Variants in PKNOX1 observed in about 807,000 individuals in gnomAD.
PKNOX1 encodes the protein homeobox protein PKNOX1.
A neutral mutation model predicts 51.9 loss-of-function variants in PKNOX1; 15 were observed. The ratio of observed to expected loss-of-function variants is 0.29; its 90% confidence interval spans 0.19 to 0.45. The LOEUF (loss-of-function observed/expected upper bound fraction) is 0.45, where lower values mean the gene tolerates loss of function less well. PKNOX1 is among the 20% of genes least tolerant of loss of function. PKNOX1 has a pLI of 1.00. For missense variants in PKNOX1, 462 were observed against 547.5 expected (o/e 0.84, Z 1.56); for synonymous variants, 219 against 211.1 (o/e 1.04, Z -0.32).
chr21:43,020,912 A>G (rs910240753), intron 7 of PKNOX1, among the ~76,000 whole-genome samples: 1 of 152,236 alleles, frequency 6.6e-6, no homozygotes, highest in Non-Finnish European at 1.5e-5. Flanking sequence ...ATCATGTGCC[A>G]GCCTGGGCAA....
At position 43,001,916 on chromosome 21, in the gene PKNOX1, G is replaced by A. The variant is rs897125605; in HGVS notation, c.-56-2410G>A. On this transcript the variant is annotated intron_variant, in intron 1 of 10. Coordinates refer to ENST00000291547, the MANE Select transcript of PKNOX1 (RefSeq NM_004571.5). Reference sequence around the variant, plus strand: ...TGGAGCTTGCAAGTGAGCTGAGATCGCGCCACTGCACTCCAGCCTGGGTGA... The same window carrying A: ...TGGAGCTTGCAAGTGAGCTGAGATCACGCCACTGCACTCCAGCCTGGGTGA... Among the ~76,000 whole-genome samples, 8 of 152,100 alleles carry A rather than the reference G, an allele frequency of 5.3e-5. No individual in the cohort carries two copies. The South Asian group carries it at 8.3e-4, about 16-fold the overall frequency.
intron 1 of PKNOX1, among the ~76,000 whole-genome samples, chr21:42,987,467 G>A (rs532563833): frequency 1.1e-3 from 156 of 143,484 alleles, no homozygotes; most frequent in Middle Eastern, 3.9e-3. Flanking sequence ...GTACTAGAAA[G>A]AGGAAAAGAA....
At chr21:43,001,228 G>A (rs959401302) in intron 1 of PKNOX1, among the ~76,000 whole-genome samples, 13 of 152,342 alleles carry the variant, frequency 8.5e-5, no homozygotes, top group Middle Eastern at 3.4e-3. Flanking sequence ...ATGGGTGGCC[G>A]TTATCCGTTA....
chr21:42,996,494 C>T (rs1038494419), intron 1 of PKNOX1, among the ~76,000 whole-genome samples: 1 of 152,104 alleles, frequency 6.6e-6, no homozygotes, highest in East Asian at 1.9e-4. Flanking sequence ...TGTGTAAGTC[C>T]ATCATCCTTT....
intron 1 of PKNOX1, among the ~76,000 whole-genome samples, chr21:42,986,090 G>T (rs1460586839): frequency 2.6e-5 from 4 of 152,052 alleles, no homozygotes; most frequent in Admixed American, 2.0e-4. Context: ...GTCTTTAGGG[G>T]ACATATGTGG....
In PKNOX1 at chr21:42,987,395, A is replaced by T. The variant is rs868679096; in HGVS notation, c.-57+12731A>T. On this transcript the variant is annotated intron_variant, in intron 1 of 10. Coordinates refer to ENST00000291547, the MANE Select transcript of PKNOX1 (RefSeq NM_004571.5). ...TAAACTCCCTCTCAAAAAAAAAAAAAAAAAAAAAAATATATATATATATAT... is the reference window on the plus strand; with the variant it reads ...TAAACTCCCTCTCAAAAAAAAAAAATAAAAAAAAAATATATATATATATAT... Among the ~76,000 whole-genome samples the T allele has an allele frequency of 3.7e-4, 45 of 122,742 alleles. 5 individuals are homozygous for T. The highest frequency in any genetic ancestry group is 1.4e-3 in the African/African-American group (44 of 30,586). The allele number at this position is 122,742 out of a possible 152,430, so 80.5% of individuals were successfully genotyped here. A position where few individuals can be genotyped will look rare whatever the true frequency, so the allele number is the denominator to read the frequency against.
At chr21:42,985,112 C>T (rs894668215) in intron 1 of PKNOX1, among the ~76,000 whole-genome samples, 2 of 150,824 alleles carry the variant, frequency 1.3e-5, no homozygotes, top group African/African-American at 2.4e-5. Flanking sequence ...CTCAGCCTCC[C>T]GAGTAGCTGG....
Position 43,021,618 on chromosome 21 carries a change from G to A in PKNOX1, c.849+187G>A, listed in dbSNP as rs764589472. ...CTGCAGGGAACTTGAAGGGCAATGA[G>A]GGCTGCCGTGAAGGAGCACCCGAGC... On this transcript the variant is annotated intron_variant, in intron 8 of 10. Coordinates refer to ENST00000291547, the MANE Select transcript of PKNOX1 (RefSeq NM_004571.5). The surrounding 1 kb of genome is among the most constrained non-coding windows in gnomAD (Gnocchi z 4.6). Among the ~76,000 whole-genome samples the A allele has an allele frequency of 9.9e-5, 15 of 152,248 alleles. No homozygotes were observed. Among genetic ancestry groups the A allele is most frequent in the African/African-American group, 3.4e-4 (14 of 41,472 alleles).
chr21:42,998,280 G>T (rs956285029), intron 1 of PKNOX1, among the ~76,000 whole-genome samples: 3 of 152,096 alleles, frequency 2.0e-5, no homozygotes, highest in African/African-American at 7.2e-5. Context: ...GCTATCATGA[G>T]AACAGCACAG....
At chr21:43,001,560 G>A (rs1215658825) in intron 1 of PKNOX1, among the ~76,000 whole-genome samples, 1 of 152,164 alleles carries the variant, frequency 6.6e-6, no homozygotes, top group African/African-American at 2.4e-5. Flanking sequence ...ATCCTGTGCT[G>A]TGTCCTCCTG....
intron 1 of PKNOX1, among the ~76,000 whole-genome samples, chr21:42,992,802 G>A (rs1206270958): frequency 7.3e-6 from 1 of 136,106 alleles, no homozygotes; most frequent in Non-Finnish European, 1.6e-5. Flanking sequence ...TTCTCTCACA[G>A]CACTGGGGGG....
At chr21:42,983,424 C>T (rs999889745) in intron 1 of PKNOX1, among the ~76,000 whole-genome samples, 3 of 152,146 alleles carry the variant, frequency 2.0e-5, no homozygotes, top group Admixed American at 1.3e-4. Flanking sequence ...AGCTCATTTA[C>T]CATAATGTCC....
In PKNOX1 at chr21:43,010,188, A is replaced by G. The variant is rs766371545; in HGVS notation, c.315A>G (p.Lys105=). The G allele has an allele frequency of 2.5e-6, 4 of 1,588,220 alleles. 1 individual carries two copies. In the South Asian group the frequency reaches 4.6e-5, roughly 18 times the overall value. ...NFVRKQEKEG[K]PFFCEDPETD... The stretch of plus-strand genomic sequence containing the variant: ...TAAGAAAGCAAGAGAAGGAAGGGAA[A>G]CCTTTCTTTTGTGAAGATCCAGAAA... Residue 105 remains lysine (K), a synonymous_variant, in exon 4 of 11, where the codon AAA becomes AAG. Coordinates refer to ENST00000291547, the MANE Select transcript of PKNOX1 (RefSeq NM_004571.5).
intron 7 of PKNOX1, among the ~76,000 whole-genome samples, chr21:43,019,914 C>T (rs2839621): frequency 0.65 from 93,531 of 143,380 alleles, 30,638 homozygotes; most frequent in African/African-American, 0.72. Flanking sequence ...TCTTTTTTTG[C>T]AGGTGCTCTG....
At chr21:43,001,542 A>G (rs933171624) in intron 1 of PKNOX1, among the ~76,000 whole-genome samples, 5 of 152,180 alleles carry the variant, frequency 3.3e-5, no homozygotes, top group African/African-American at 1.2e-4. Context: ...GTCCCATGGC[A>G]GTTCTTCATC....
At chr21:43,022,594 A>G (rs765690810) in intron 8 of PKNOX1, among the ~76,000 whole-genome samples, 3 of 152,140 alleles carry the variant, frequency 2.0e-5, no homozygotes, top group Non-Finnish European at 4.4e-5. Context: ...TTCCATGGGC[A>G]TAAAAGGTAG....
At chr21:42,989,880 C>G (rs1325947343) in intron 1 of PKNOX1, among the ~76,000 whole-genome samples, 1 of 152,136 alleles carries the variant, frequency 6.6e-6, no homozygotes, top group Admixed American at 6.6e-5. Context: ...GGGCAGATTG[C>G]TTGAGCTCAG....
intron 3 of PKNOX1, 100 bp from the exon 4 acceptor site, chr21:43,009,953 C>A: frequency 1.5e-6 from 1 of 645,804 alleles, no homozygotes; most frequent in East Asian, 2.9e-5. Flanking sequence ...TGCATTTTCA[C>A]CCAACAGAGG....
intron 5 of PKNOX1, among the ~76,000 whole-genome samples, chr21:43,016,074 C>G (rs1170866525): frequency 1.3e-5 from 2 of 152,212 alleles, no homozygotes; most frequent in African/African-American, 4.8e-5. Context: ...AGCGTAGCCA[C>G]TAAGCTTACA....
Sources: gnomAD v4.1 joint callset for allele counts (sites outside exome capture counted in the v4.1 genomes callset) on GRCh38, gnomAD v4.1.1 for gene constraint, Gnocchi (gnomAD v3.1) non-coding constraint, MANE v1.5 for transcripts, NCBI Gene and HGNC (gene_info 2026-07-23, HGNC 2026-07-21) for gene names.